Variants in SLC2A13 observed in about 807,000 individuals in gnomAD.
SLC2A13 encodes the protein proton myo-inositol cotransporter.
SLC2A13 carries 32 observed loss-of-function variants against 64.4 expected under a neutral mutation model. That is an observed-to-expected ratio of 0.50 (90% confidence interval 0.37 to 0.67). The LOEUF (loss-of-function observed/expected upper bound fraction) is 0.67, where lower values mean the gene tolerates loss of function less well. Ranked by LOEUF, SLC2A13 falls within the 30% of genes least tolerant of loss-of-function variation. The pLI is 0.00. For missense variants in SLC2A13, 743 were observed against 829.2 expected (o/e 0.90, Z 1.28); for synonymous variants, 338 against 327.1 (o/e 1.03, Z -0.36).
intron 4 of SLC2A13, among the ~76,000 whole-genome samples, chr12:39,931,470 C>T (rs950794247): frequency 6.6e-6 from 1 of 152,198 alleles, no homozygotes; most frequent in Non-Finnish European, 1.5e-5. Context: ...ACGTGGGCCT[C>T]CTGAGTATCT....
intron 6 of SLC2A13, among the ~76,000 whole-genome samples, chr12:39,839,458 C>T (rs1396510647): frequency 6.6e-6 from 1 of 152,068 alleles, no homozygotes; most frequent in African/African-American, 2.4e-5. Context: ...AAATTATCCT[C>T]TCCACTCTAT....
At chr12:40,052,426 ACATGGG>A (rs1250908678) in intron 1 of SLC2A13, among the ~76,000 whole-genome samples, 1 of 152,118 alleles carries the variant, frequency 6.6e-6, no homozygotes, top group African/African-American at 2.4e-5. Flanking sequence ...AGAAAAGAAA[ACATGGG>A]CAAATCATGA....
intron 3 of SLC2A13, among the ~76,000 whole-genome samples, chr12:39,974,056 G>C (rs967667483): frequency 6.6e-6 from 1 of 152,170 alleles, no homozygotes; most frequent in African/African-American, 2.4e-5. Flanking sequence ...AACCCTACCA[G>C]CAGCAGCAGT....
At chr12:40,034,755 T>C (rs1947952333) in intron 2 of SLC2A13, among the ~76,000 whole-genome samples, 1 of 152,152 alleles carries the variant, frequency 6.6e-6, no homozygotes, top group Admixed American at 6.5e-5. Flanking sequence ...CTGCATTAGT[T>C]CACGGAAAAT....
intron 4 of SLC2A13, among the ~76,000 whole-genome samples, chr12:39,895,707 TAC>T (rs1330817578): frequency 7.0e-6 from 1 of 143,784 alleles, no homozygotes; most frequent in Middle Eastern, 3.6e-3. Flanking sequence ...CGTGTATACG[TAC>T]ACACATATGT....
chr12:39,764,625 A>G lies in SLC2A13; in HGVS notation c.1568-13T>C. The G allele has an allele frequency of 6.3e-7, 1 of 1,581,488 alleles. No individual in the cohort carries two copies. Among genetic ancestry groups the G allele is most frequent in the Non-Finnish European group, 8.6e-7 (1 of 1,169,542 alleles). ...ATTGGTCCCATTCCTGAGAAATAAA[A>G]CATTAAAAACTTTAGTAAAATAGCA... On this transcript the variant is annotated splice_polypyrimidine_tract_variant and intron_variant, in intron 8 of 9. Coordinates refer to ENST00000280871, the MANE Select transcript of SLC2A13 (RefSeq NM_052885.4).
intron 7 of SLC2A13, among the ~76,000 whole-genome samples, chr12:39,772,185 G>A (rs926476025): frequency 1.3e-5 from 2 of 152,062 alleles, no homozygotes; most frequent in East Asian, 3.9e-4. Context: ...ATGGCACAAG[G>A]GTCAAGAGCA....
chr12:39,860,447 C>G (rs1243366226), intron 6 of SLC2A13, among the ~76,000 whole-genome samples: 2 of 152,184 alleles, frequency 1.3e-5, no homozygotes, highest in Non-Finnish European at 2.9e-5. Context: ...TTGCCCATGT[C>G]TATGGACTTA....
chr12:40,045,957 G>C (rs1051740654), intron 2 of SLC2A13, among the ~76,000 whole-genome samples: 1 of 152,132 alleles, frequency 6.6e-6, no homozygotes, highest in Non-Finnish European at 1.5e-5. Flanking sequence ...AAAGAAAACA[G>C]ATAACACAGA....
At chr12:39,935,511 ACAGT>A (rs1945903136) in intron 4 of SLC2A13, among the ~76,000 whole-genome samples, 1 of 152,214 alleles carries the variant, frequency 6.6e-6, no homozygotes, top group South Asian at 2.1e-4. Flanking sequence ...TAAAAACAAA[ACAGT>A]CAGTAGTAAC....
chr12:39,893,782 T>C (rs924633163), intron 4 of SLC2A13, among the ~76,000 whole-genome samples: 1 of 152,248 alleles, frequency 6.6e-6, no homozygotes, highest in African/African-American at 2.4e-5. Context: ...TGAAAAGAAA[T>C]ACATTTTCTG....
chr12:39,775,555 A>G (rs1199457950), intron 7 of SLC2A13, among the ~76,000 whole-genome samples: 1 of 152,236 alleles, frequency 6.6e-6, no homozygotes, highest in Non-Finnish European at 1.5e-5. Context: ...TTAATTCATA[A>G]GAAAATACTT....
chr12:40,021,219 GTGGAAAATCTCTGTGCTGTTC>G (rs1947710544), intron 3 of SLC2A13, among the ~76,000 whole-genome samples: 1 of 152,158 alleles, frequency 6.6e-6, no homozygotes, highest in African/African-American at 2.4e-5. Context: ...AGTATGCTCA[GTGGAAAATCTCTGTGCTGTTC>G]TTTATCCCCA....
chr12:40,033,556 C>G (rs1374328562), intron 2 of SLC2A13, among the ~76,000 whole-genome samples: 1 of 152,186 alleles, frequency 6.6e-6, no homozygotes, highest in Non-Finnish European at 1.5e-5. Flanking sequence ...GTGATTTTCT[C>G]AACACCTATC....
chr12:39,764,367 C>A, intron 9 of SLC2A13, 93 bp downstream of exon 9: 1 of 1,170,402 alleles, frequency 8.5e-7, no homozygotes, highest in Non-Finnish European at 1.2e-6. Flanking sequence ...CAAAATATAA[C>A]CACATAGTCT....
intron 4 of SLC2A13, among the ~76,000 whole-genome samples, chr12:39,914,772 T>C (rs988025889): frequency 1.3e-5 from 2 of 152,016 alleles, no homozygotes; most frequent in African/African-American, 4.8e-5. Flanking sequence ...TGTGTAGAAC[T>C]TGATTCTCTA....
At chr12:39,840,039 G>A (rs1475568740) in intron 6 of SLC2A13, among the ~76,000 whole-genome samples, 1 of 150,522 alleles carries the variant, frequency 6.6e-6, no homozygotes, top group Admixed American at 6.6e-5. Context: ...TTTTTGTTTT[G>A]TTTTGTTTTT....
chr12:39,889,724 G>T (rs1050928361), intron 4 of SLC2A13, among the ~76,000 whole-genome samples: 2 of 151,794 alleles, frequency 1.3e-5, no homozygotes, highest in Non-Finnish European at 2.9e-5. Context: ...GAGAGACGGG[G>T]TTTCACCATG....
chr12:40,011,228 G>A (rs1947526499), intron 3 of SLC2A13, among the ~76,000 whole-genome samples: 2 of 152,066 alleles, frequency 1.3e-5, no homozygotes, highest in South Asian at 2.1e-4. Flanking sequence ...TATGTTGCAG[G>A]GGCTGTTCTG....
Sources: gnomAD v4.1 joint callset for allele counts (sites outside exome capture counted in the v4.1 genomes callset) on GRCh38, gnomAD v4.1.1 for gene constraint, MANE v1.5 for transcripts, NCBI Gene and HGNC (gene_info 2026-07-23, HGNC 2026-07-21) for gene names.